The following FXR2 variants were observed in gnomAD, a reference collection of about 807,000 sequenced individuals.
FXR2 encodes RNA-binding protein FXR2.
FXR2 carries 9 observed loss-of-function variants against 87.3 expected under a neutral mutation model. The ratio of observed to expected loss-of-function variants is 0.10; its 90% CI spans 0.06 to 0.18. The LOEUF is 0.18. Among genes scored for constraint, FXR2 ranks in the 10% least tolerant of loss-of-function variants. The pLI, the probability that FXR2 is intolerant of heterozygous loss-of-function variation, is 1.00. For synonymous variants in FXR2, 331 were observed against 328.3 expected (o/e 1.01, Z -0.09); for missense variants, 661 against 893.6 (o/e 0.74, Z 3.32).
chr17:7,591,645 G>A lies in FXR2; in HGVS notation c.*185C>T, dbSNP rs1297176938. ...CCCTGGGGGTAGGGTGGACAAGAGG[G>A]AGGGGGTATGACCCTGTTACACACC... On this transcript the variant is annotated 3_prime_UTR_variant, in exon 17 of 17. Transcript: ENST00000250113. This position sits in a 1 kb window ranked among gnomAD's most constrained non-coding sequence, Gnocchi z 4.0. The A allele has an allele frequency of 4.9e-6, 3 of 614,862 alleles. No homozygotes were observed. Among genetic ancestry groups the A allele is most frequent in the Non-Finnish European group, 8.8e-6 (3 of 340,330 alleles). The allele number at this position is 614,862 out of a possible 1,614,324, so 38.1% of individuals were successfully genotyped here. A position where few individuals can be genotyped will look rare whatever the true frequency, so the allele number is the denominator to read the frequency against.
chr17:7,600,913 C>T (rs2071749936), intron 7 of FXR2, among the ~76,000 whole-genome samples: 1 of 152,126 alleles, frequency 6.6e-6, no homozygotes, highest in Non-Finnish European at 1.5e-5. Flanking sequence ...GGTGTGGTGG[C>T]TCACGCCTGT....
At chr17:7,614,287 G>A (rs1204584162) in intron 1 of FXR2, among the ~76,000 whole-genome samples, 165 bp downstream of exon 1, 1 of 152,096 alleles carries the variant, frequency 6.6e-6, no homozygotes, top group Non-Finnish European at 1.5e-5. Context: ...GAGGAACAGG[G>A]TTCACTCTAA....
rs564625588 is a variant in FXR2 at position 7,597,274 on chromosome 17, G to A, written c.661-1280C>T. ...CACCAAATAGAAACAATACCTGAAA[G>A]GAGACATTCCTAGATTGAAATACAC... On this transcript the variant is annotated intron_variant, in intron 7 of 16. Coordinates refer to ENST00000250113, the MANE Select transcript of FXR2 (RefSeq NM_004860.4). Among the ~76,000 whole-genome samples, 5 of 152,224 alleles carry A rather than the reference G, an allele frequency of 3.3e-5. No homozygotes were observed. In the South Asian group the frequency reaches 1.0e-3, roughly 32 times the overall value.
rs2071801104 is a variant in FXR2, at chr17:7,606,139, T to C, written c.92A>G (p.Lys31Arg). 1 of 1,544,324 alleles carries C rather than the reference T, an allele frequency of 6.5e-7. No individual in the cohort carries two copies. Among genetic ancestry groups the C allele is most frequent in the Non-Finnish European group, 8.8e-7 (1 of 1,140,748 alleles). The change falls in exon 2 of 17, where the codon AAG becomes AGG. Residue 31 changes from lysine to arginine, a missense_variant. Lys to Arg is a conservative substitution (Grantham distance 26). Transcript: ENST00000250113. ...SNGAFYKGFV[K>R]DVHEDSVTIF... ...GGTGACAGAGTCTTCATGGACATCC[T>C]TCACAAAGCCCTAGAATGGATTTTA...
rs1318568956 is a variant in FXR2 at position 7,592,715 on chromosome 17, T to G, written c.1708A>C (p.Asn570His). Reference protein sequence around the residue: ...MDGGLESDGPNMTENGLEDES... With the variant: ...MDGGLESDGPHMTENGLEDES... ...TCACCCAGGCCATTCTCTGTCATGT[T>G]GGGCCCATCTGATTCCAGGCCTCCA... The change falls in exon 14 of 17, where the codon AAC (asparagine) becomes CAC (histidine). Residue 570 changes from asparagine to histidine, a missense_variant. Physicochemically the swap from Asn to His is moderately conservative, Grantham distance 68. This residue lies in a region of FXR2 where 409 missense variants were observed against 432.0 expected (regional missense o/e 0.95). Coordinates refer to ENST00000250113, the MANE Select transcript of FXR2 (RefSeq NM_004860.4). The surrounding 1 kb of genome is among the most constrained non-coding windows in gnomAD (Gnocchi z 4.8). 2 of 1,613,556 alleles carry G rather than the reference T, an allele frequency of 1.2e-6. No homozygotes were observed. The highest frequency in any genetic ancestry group is 1.7e-6 in the Non-Finnish European group (2 of 1,179,762).
intron 7 of FXR2, among the ~76,000 whole-genome samples, chr17:7,599,419 GA>G (rs1161799328): frequency 6.6e-6 from 1 of 152,146 alleles, no homozygotes; most frequent in African/African-American, 2.4e-5. Context: ...TCATGACCCA[GA>G]AATTGCACAG....
rs781200094 is a variant in FXR2, at chr17:7,594,659, T to C, written c.910+20A>G. The C allele has an allele frequency of 1.2e-5, 18 of 1,479,560 alleles. No homozygotes were observed. Among genetic ancestry groups the C allele is most frequent in the Admixed American group, 1.7e-5 (1 of 59,856 alleles). 91.7% of individuals were successfully genotyped at this position (1,479,560 alleles called of 1,614,324 possible). A position where few individuals can be genotyped will look rare whatever the true frequency, so the allele number is the denominator to read the frequency against. ...ATCTTGATTCTGACCTCTAACTGTA[T>C]ATACACACCACCAACTCACCAACCA... On this transcript the variant is annotated intron_variant, in intron 9 of 16. Coordinates refer to ENST00000250113, the MANE Select transcript of FXR2 (RefSeq NM_004860.4). This position sits in a 1 kb window ranked among gnomAD's most constrained non-coding sequence, Gnocchi z 5.1.
rs775462548 is a variant in FXR2, at chr17:7,601,481, A to G, written c.588T>C (p.Asp196=). The G allele has an allele frequency of 3.7e-6, 6 of 1,613,052 alleles. No homozygotes were observed. The East Asian group carries it at 8.9e-5, about 24-fold the overall frequency. The change falls in exon 7 of 17, where the codon GAT becomes GAC. Residue 196 remains aspartate (D), a synonymous_variant. Transcript: ENST00000250113. ...TGGTGCGCAGGCTTCGGAAATGCAT[A>G]TCACCCAGCAGAGATGCTCGCTTCA... is the stretch of plus-strand genomic sequence containing the variant. The part of the protein sequence containing the change: ...APVKRASLLG[D]MHFRSLRTKL...
At chr17:7,602,560 T>A (rs2071766824) in intron 6 of FXR2, among the ~76,000 whole-genome samples, 1 of 137,538 alleles carries the variant, frequency 7.3e-6, no homozygotes, top group African/African-American at 2.9e-5. Context: ...AGAGTGAGAT[T>A]CCATCTCAAA....
At chr17:7,604,569 G>A (rs1033778030) in intron 3 of FXR2, among the ~76,000 whole-genome samples, 3 of 151,800 alleles carry the variant, frequency 2.0e-5, no homozygotes, top group Admixed American at 6.6e-5. Flanking sequence ...CCACATGCCT[G>A]TACTCCAAGC....
At chr17:7,609,690 G>C (rs1227156797) in intron 1 of FXR2, among the ~76,000 whole-genome samples, 1 of 151,346 alleles carries the variant, frequency 6.6e-6, no homozygotes, top group East Asian at 1.9e-4. Flanking sequence ...TTCCCTTTTG[G>C]GTTCTTCCCT....
chr17:7,608,440 A>AT (rs1268425526), intron 1 of FXR2, among the ~76,000 whole-genome samples: 31 of 149,098 alleles, frequency 2.1e-4, no homozygotes, highest in South Asian at 6.3e-4. Context: ...AAAAAAAAAA[A>AT]AAAATAATAA....
intron 1 of FXR2, among the ~76,000 whole-genome samples, chr17:7,608,569 G>C (rs2071823538): frequency 6.7e-6 from 1 of 150,094 alleles, no homozygotes. Flanking sequence ...AGTCAGTCAA[G>C]ATCATGCCAT....
chr17:7,599,857 G>A (rs759142381), intron 7 of FXR2, among the ~76,000 whole-genome samples: 4 of 152,138 alleles, frequency 2.6e-5, no homozygotes, highest in Middle Eastern at 3.2e-3. Context: ...TAGCCTGGGC[G>A]ACAGAGACGC....
chr17:7,598,730 C>T (rs889017670), intron 7 of FXR2, among the ~76,000 whole-genome samples: 8 of 152,042 alleles, frequency 5.3e-5, no homozygotes, highest in African/African-American at 4.8e-5. Context: ...AAAATTAGGC[C>T]GGGTGCAATG....
chr17:7,604,362 C>T (rs2071784798), intron 3 of FXR2, among the ~76,000 whole-genome samples: 1 of 151,850 alleles, frequency 6.6e-6, no homozygotes, highest in Non-Finnish European at 1.5e-5. Flanking sequence ...CTCAGGAGTT[C>T]AAGAACGATC....
chr17:7,613,072 G>T (rs55999944), intron 1 of FXR2, among the ~76,000 whole-genome samples: 2 of 147,336 alleles, frequency 1.4e-5, no homozygotes, highest in East Asian at 4.0e-4. Flanking sequence ...CCACCCAAGA[G>T]AAATTACAAG....
Position 7,593,102 on chromosome 17 carries a change from G to A in FXR2, c.1410C>T (p.Asp470=). The A allele has an allele frequency of 3.8e-6, 6 of 1,595,306 alleles. No individual in the cohort carries two copies. Among genetic ancestry groups the A allele is most frequent in the Non-Finnish European group, 5.1e-6 (6 of 1,171,382 alleles). Residue 470 remains aspartate, a synonymous_variant, in exon 13 of 17, where the codon GAC becomes GAT. Coordinates refer to ENST00000250113, the MANE Select transcript of FXR2 (RefSeq NM_004860.4). This position sits in a 1 kb window ranked among gnomAD's most constrained non-coding sequence, Gnocchi z 6.1. The part of the protein sequence containing the change: ...REEPNRAGPG[D]RDPPTRGEES... The stretch of plus-strand genomic sequence containing the variant: ...CTTCCCCTCGGGTTGGGGGATCCCT[G>A]TCGCCAGGCCCAGCTCGGTTGGGCT...
intron 7 of FXR2, 93 bp from the exon 8 acceptor site, chr17:7,596,087 G>A: frequency 1.0e-6 from 1 of 957,008 alleles, no homozygotes; most frequent in Admixed American, 2.0e-5. Context: ...GGAAAACTGT[G>A]TGATATTAAT....
Sources: gnomAD v4.1 joint callset for allele counts (sites outside exome capture counted in the v4.1 genomes callset) on GRCh38, gnomAD v4.1.1 for gene constraint, gnomAD v4.1.1 regional missense constraint, Gnocchi (gnomAD v3.1) non-coding constraint, MANE v1.5 for transcripts, NCBI Gene and HGNC (gene_info 2026-07-23, HGNC 2026-07-21) for gene names.